The following DOCK3 variants were observed in gnomAD, a reference collection of about 807,000 sequenced individuals.
The protein encoded by DOCK3 is dedicator of cytokinesis protein 3.
In DOCK3, 60 loss-of-function variants were observed where a neutral mutation model predicts 265.6. The observed-to-expected ratio is 0.23, with a 90% CI of 0.18 to 0.28. The LOEUF (loss-of-function observed/expected upper bound fraction) is 0.28, where lower values mean the gene tolerates loss of function less well. Among genes scored for constraint, DOCK3 ranks in the 10% least tolerant of loss-of-function variants. The pLI is 1.00. For synonymous variants in DOCK3, 881 were observed against 938.0 expected, an observed-to-expected ratio of 0.94 and a Z score of 1.11; for missense variants, 1,981 against 2,594.3, an observed-to-expected ratio of 0.76 and a Z score of 5.14.
chr3:51,109,883 A>G (rs555936113), intron 9 of DOCK3, among the ~76,000 whole-genome samples: 7 of 152,264 alleles, frequency 4.6e-5, no homozygotes, highest in African/African-American at 1.4e-4. Flanking sequence ...CAGTAAGCCA[A>G]GATCATACCA....
intron 2 of DOCK3, among the ~76,000 whole-genome samples, chr3:50,804,341 G>C (rs1475986255): frequency 2.0e-5 from 3 of 152,196 alleles, no homozygotes; most frequent in Non-Finnish European, 4.4e-5. Flanking sequence ...CGGGGTGGCG[G>C]CTGGGCAGAG....
intron 2 of DOCK3, among the ~76,000 whole-genome samples, chr3:50,823,475 G>T (rs1463979608): frequency 6.6e-6 from 1 of 152,160 alleles, no homozygotes; most frequent in African/African-American, 2.4e-5. Context: ...GAGAGCACAG[G>T]GTTGGGGGTA....
chr3:51,347,034 T>C (rs1053644335), intron 38 of DOCK3, among the ~76,000 whole-genome samples: 3 of 152,274 alleles, frequency 2.0e-5, no homozygotes, highest in Non-Finnish European at 4.4e-5. Flanking sequence ...AGATTCTGGA[T>C]ATTAGCCCTT....
chr3:51,017,029 CTT>C (rs1458183249), intron 5 of DOCK3, among the ~76,000 whole-genome samples: 146 of 142,702 alleles, frequency 1.0e-3, no homozygotes, highest in Middle Eastern at 7.0e-3. Flanking sequence ...TGCTGGGAGG[CTT>C]TTTATTATGG....
chr3:50,741,621 T>A (rs941982707), intron 1 of DOCK3, among the ~76,000 whole-genome samples: 74 of 150,992 alleles, frequency 4.9e-4, no homozygotes, highest in Admixed American at 2.9e-3. Context: ...TTTTTATGGC[T>A]GCATAGTATT....
chr3:51,303,207 T>C (rs2082453419), intron 27 of DOCK3, among the ~76,000 whole-genome samples: 1 of 152,208 alleles, frequency 6.6e-6, no homozygotes, highest in Non-Finnish European at 1.5e-5. Context: ...TGTTCGGTTA[T>C]TGATACTTGT....
intron 5 of DOCK3, among the ~76,000 whole-genome samples, chr3:51,030,885 A>G (rs563266097): frequency 7.2e-4 from 110 of 152,300 alleles, no homozygotes; most frequent in African/African-American, 2.6e-3. Flanking sequence ...TTTCTTGCCA[A>G]CCTAAGAATC....
chr3:50,822,786 G>T (rs2044521096), intron 2 of DOCK3, among the ~76,000 whole-genome samples: 1 of 152,166 alleles, frequency 6.6e-6, no homozygotes. Flanking sequence ...GGGCCACTGT[G>T]CCTGGCCTTG....
At chr3:50,841,304 G>A (rs1041727905) in intron 2 of DOCK3, among the ~76,000 whole-genome samples, 8 of 152,130 alleles carry the variant, frequency 5.3e-5, no homozygotes, top group Non-Finnish European at 7.4e-5. Flanking sequence ...ATGAGACTGC[G>A]AAACAGAAAG....
intron 1 of DOCK3, among the ~76,000 whole-genome samples, chr3:50,741,213 G>A (rs2039002432): frequency 6.6e-6 from 1 of 150,962 alleles, no homozygotes; most frequent in East Asian, 2.0e-4. Flanking sequence ...CCACCTTTTG[G>A]CTACTGTGAA....
At chr3:51,182,519 G>A (rs1385150974) in intron 12 of DOCK3, among the ~76,000 whole-genome samples, 1 of 152,212 alleles carries the variant, frequency 6.6e-6, no homozygotes, top group Non-Finnish European at 1.5e-5. Flanking sequence ...CCCATAAGAA[G>A]CCACTGGTCT....
At chr3:51,305,727 T>TGTGC (rs757422731) in intron 27 of DOCK3, among the ~76,000 whole-genome samples, 1,259 of 44,630 alleles carry the variant, frequency 0.028, 13 homozygotes, top group South Asian at 0.063. Flanking sequence ...TGTGTGTGTG[T>TGTGC]GTGTGCGCGT....
At chr3:51,078,900 C>T (rs1435158425) in intron 7 of DOCK3, among the ~76,000 whole-genome samples, 1 of 152,128 alleles carries the variant, frequency 6.6e-6, no homozygotes, top group Non-Finnish European at 1.5e-5. Context: ...ATTTCATTTT[C>T]TGCTAAATTT....
At chr3:50,681,983 A>G (rs1301192637) in intron 1 of DOCK3, among the ~76,000 whole-genome samples, 2 of 152,248 alleles carry the variant, frequency 1.3e-5, no homozygotes, top group African/African-American at 2.4e-5. Flanking sequence ...GTTAGCTGTA[A>G]TGAGAACATT....
chr3:51,186,918 G>T (rs1216019524), intron 12 of DOCK3, among the ~76,000 whole-genome samples: 1 of 152,266 alleles, frequency 6.6e-6, no homozygotes, highest in Admixed American at 6.5e-5. Context: ...TTCAGGGGCA[G>T]GGCTCTCATG....
intron 12 of DOCK3, among the ~76,000 whole-genome samples, chr3:51,186,213 C>A (rs6763136): frequency 0.91 from 138,848 of 152,230 alleles, 63,464 homozygotes; most frequent in African/African-American, 0.96. Flanking sequence ...GAAATGAGGA[C>A]CTTGTTGGTA....
intron 38 of DOCK3, among the ~76,000 whole-genome samples, chr3:51,343,388 G>T (rs1413559215): frequency 6.6e-6 from 1 of 152,162 alleles, no homozygotes; most frequent in African/African-American, 2.4e-5. Context: ...GCTGACAGTA[G>T]CTTCCAGTGA....
intron 3 of DOCK3, among the ~76,000 whole-genome samples, chr3:50,880,933 T>A (rs1306573454): frequency 1.3e-5 from 2 of 152,148 alleles, no homozygotes; most frequent in African/African-American, 4.8e-5. Flanking sequence ...TCCACCATGA[T>A]CAAGTGGGCT....
chr3:51,136,316 C>T (rs535379586), intron 9 of DOCK3, among the ~76,000 whole-genome samples: 1 of 152,024 alleles, frequency 6.6e-6, no homozygotes, highest in East Asian at 1.9e-4. Context: ...CAGGCTCTGC[C>T]TCCCAGGTCA....
Sources: gnomAD v4.1 joint callset for allele counts (sites outside exome capture counted in the v4.1 genomes callset) on GRCh38, gnomAD v4.1.1 for gene constraint, MANE v1.5 for transcripts, NCBI Gene and HGNC (gene_info 2026-07-23, HGNC 2026-07-21) for gene names.